SYN2: variants seen among roughly 807,000 people sequenced by gnomAD.
SYN2 encodes the protein synapsin-2.
SYN2 carries 19 observed loss-of-function variants against 50.9 expected under a neutral mutation model. The ratio of observed to expected loss-of-function variants is 0.37; its 90% CI spans 0.26 to 0.55. The LOEUF is 0.55. SYN2 is among the 20% of genes least tolerant of loss of function. The pLI, the probability that SYN2 is intolerant of heterozygous loss-of-function variation, is 0.81. For synonymous variants in SYN2, 255 were observed against 224.9 expected (o/e 1.13, Z -1.20); for missense variants, 587 against 576.4 (o/e 1.02, Z -0.19).
intron 1 of SYN2, among the ~76,000 whole-genome samples, chr3:12,074,650 T>C (rs889908493): frequency 7.9e-5 from 12 of 152,188 alleles, no homozygotes; most frequent in African/African-American, 2.9e-4. Flanking sequence ...TGTTGTTCTG[T>C]GGCTTGGATT....
intron 1 of SYN2, among the ~76,000 whole-genome samples, chr3:12,065,395 C>T (rs1271258588): frequency 6.6e-6 from 1 of 152,150 alleles, no homozygotes; most frequent in Non-Finnish European, 1.5e-5. Flanking sequence ...CAAAAAAACA[C>T]ATGCACTTAT....
intron 7 of SYN2, among the ~76,000 whole-genome samples, chr3:12,164,867 G>T (rs1266674265): frequency 6.6e-6 from 1 of 151,756 alleles, no homozygotes; most frequent in African/African-American, 2.4e-5. Flanking sequence ...AATCAACAGG[G>T]TTATATAATA....
rs757519034 is a variant in SYN2, at chr3:12,187,429, TC to T, written c.1436del (p.Pro479LeufsTer65). 1 of 1,547,338 alleles carries T rather than the reference TC, an allele frequency of 6.5e-7. No individual in the cohort carries two copies. ...GGCAAGGTGCTGCCTCCACGCCGGCTCCCCCCTGGACCATCACTGCCACCTT... is the reference window on the plus strand; with the variant it reads ...GGCAAGGTGCTGCCTCCACGCCGGCTCCCCCTGGACCATCACTGCCACCTT... ...PPGKVLPPRR[L>X]PPGPSLPPSS... On this transcript the variant is annotated frameshift_variant, in exon 12 of 13. Coordinates refer to ENST00000621198, the MANE Select transcript of SYN2 (RefSeq NM_133625.6). LOFTEE classifies it high-confidence loss of function.
intron 1 of SYN2, among the ~76,000 whole-genome samples, chr3:12,044,392 T>G (rs1271889461): frequency 6.6e-6 from 1 of 152,170 alleles, no homozygotes; most frequent in African/African-American, 2.4e-5. Context: ...AGATTTGAAA[T>G]GAGATCCTTC....
chr3:12,151,088 T>C (rs778302148), intron 4 of SYN2, 149 bp from the exon 5 acceptor site: 12 of 590,182 alleles, frequency 2.0e-5, no homozygotes, highest in African/African-American at 1.8e-4. Flanking sequence ...TCCTTGGAAA[T>C]AGGAATTGTA....
intron 7 of SYN2, among the ~76,000 whole-genome samples, chr3:12,163,901 A>AC (rs1398753576): frequency 3.3e-5 from 5 of 151,976 alleles, no homozygotes; most frequent in Non-Finnish European, 7.4e-5. Flanking sequence ...ACATGGTGAG[A>AC]CCCCATCTCT....
At chr3:12,061,277 AAGAAC>A (rs1441380808) in intron 1 of SYN2, among the ~76,000 whole-genome samples, 1 of 152,168 alleles carries the variant, frequency 6.6e-6, no homozygotes, top group African/African-American at 2.4e-5. Context: ...AAGGCAAAGA[AAGAAC>A]AGAAGAAATA....
At chr3:12,138,218 C>T (rs1696941671) in intron 1 of SYN2, among the ~76,000 whole-genome samples, 1 of 152,234 alleles carries the variant, frequency 6.6e-6, no homozygotes, top group Non-Finnish European at 1.5e-5. Context: ...GCCATCTTGG[C>T]TCCTTTTCTA....
chr3:12,132,035 TTTTTTTTTC>T (rs1271169766), intron 1 of SYN2, among the ~76,000 whole-genome samples: 10 of 137,442 alleles, frequency 7.3e-5, no homozygotes, highest in Middle Eastern at 3.4e-3. Flanking sequence ...CTTTTTTTTC[TTTTTTTTTC>T]TTTTTTTTTT....
intron 1 of SYN2, among the ~76,000 whole-genome samples, chr3:12,009,749 A>T (rs1470436506): frequency 1.3e-5 from 2 of 152,198 alleles, no homozygotes; most frequent in Non-Finnish European, 2.9e-5. Flanking sequence ...CAGCAATTAC[A>T]CTATTCCTTG....
At chr3:12,164,478 GC>G (rs1697731657) in intron 7 of SYN2, among the ~76,000 whole-genome samples, 1 of 152,180 alleles carries the variant, frequency 6.6e-6, no homozygotes, top group Non-Finnish European at 1.5e-5. Flanking sequence ...CAAACTTGTG[GC>G]TATATTCCTG....
At chr3:12,055,307 G>A (rs1694963401) in intron 1 of SYN2, among the ~76,000 whole-genome samples, 1 of 151,926 alleles carries the variant, frequency 6.6e-6, no homozygotes, top group African/African-American at 2.4e-5. Context: ...TACCTAGAAG[G>A]TAATGACAAT....
intron 1 of SYN2, among the ~76,000 whole-genome samples, chr3:12,128,026 G>A (rs1021980757): frequency 6.6e-6 from 1 of 151,324 alleles, no homozygotes; most frequent in South Asian, 2.1e-4. Flanking sequence ...GCTCACTGCA[G>A]CCTCAACATC....
At position 12,004,792 on chromosome 3, in the gene SYN2, A is replaced by G; in HGVS notation, c.241A>G (p.Ser81Gly). ...QPAPTPSVGS[S>G]FFSSLSQAVK... ...CGCGCCGACGCCGTCGGTGGGCAGC[A>G]GCTTCTTCAGCTCGCTGTCCCAAGC... Residue 81 changes from serine to glycine, a missense_variant, in exon 1 of 13, where the codon AGC becomes GGC. By Grantham distance (56) the Ser-to-Gly change is moderately conservative. Transcript: ENST00000621198. The G allele has an allele frequency of 8.1e-6, 3 of 371,900 alleles. No individual in the cohort carries two copies. Among genetic ancestry groups the G allele is most frequent in the Non-Finnish European group, 1.4e-5 (3 of 212,324 alleles). 23.0% of individuals were successfully genotyped at this position (371,900 alleles called of 1,614,324 possible).
intron 10 of SYN2, among the ~76,000 whole-genome samples, chr3:12,176,202 T>G (rs982545824): frequency 3.3e-5 from 5 of 152,126 alleles, no homozygotes; most frequent in African/African-American, 1.2e-4. Flanking sequence ...TCTGATGAGG[T>G]GTGGGCTGCT....
At chr3:12,096,297 TG>T (rs1695932240) in intron 1 of SYN2, among the ~76,000 whole-genome samples, 1 of 152,116 alleles carries the variant, frequency 6.6e-6, no homozygotes, top group Non-Finnish European at 1.5e-5. Context: ...TGATAGGGCA[TG>T]TATGAGTGGA....
At chr3:12,054,420 A>G (rs1694943303) in intron 1 of SYN2, among the ~76,000 whole-genome samples, 1 of 152,184 alleles carries the variant, frequency 6.6e-6, no homozygotes, top group Non-Finnish European at 1.5e-5. Flanking sequence ...TAGCCGGTTG[A>G]CACAGAAGGT....
In SYN2 at chr3:12,071,168, A is replaced by G. The variant is rs373980853; in HGVS notation, c.377+66240A>G. 37 of 552,934 alleles carry G rather than the reference A, an allele frequency of 6.7e-5. No homozygotes were observed. The East Asian group carries it at 1.7e-3, about 26-fold the overall frequency. The allele number at this position is 552,934 out of a possible 1,614,324, so 34.3% of individuals were successfully genotyped here. A position where few individuals can be genotyped will look rare whatever the true frequency, so the allele number is the denominator to read the frequency against. Reference sequence around the variant, plus strand: ...ACTACCATGTACCCGGGCATCACCAACAGGATGCAGAAGGCAATCACTGCC... The same window carrying G: ...ACTACCATGTACCCGGGCATCACCAGCAGGATGCAGAAGGCAATCACTGCC... On this transcript the variant is annotated intron_variant, in intron 1 of 12. Coordinates refer to ENST00000621198, the MANE Select transcript of SYN2 (RefSeq NM_133625.6).
chr3:12,092,880 A>C (rs1419008780), intron 1 of SYN2, among the ~76,000 whole-genome samples: 3 of 152,178 alleles, frequency 2.0e-5, no homozygotes, highest in African/African-American at 7.2e-5. Flanking sequence ...TCAGTATTAA[A>C]GACCCATTGG....
Sources: gnomAD v4.1 joint callset for allele counts (sites outside exome capture counted in the v4.1 genomes callset) on GRCh38, gnomAD v4.1.1 for gene constraint, MANE v1.5 for transcripts, NCBI Gene and HGNC (gene_info 2026-07-23, HGNC 2026-07-21) for gene names.